The following ADAMTSL1 variants were observed in gnomAD, a reference collection of about 807,000 sequenced individuals.
ADAMTSL1 encodes ADAMTS like 1, also known as ADAMTS-like protein 1.
In ADAMTSL1, 126 loss-of-function variants were observed where a neutral mutation model predicts 201.8. The observed-to-expected ratio is 0.62, with a 90% CI of 0.54 to 0.72. The LOEUF is 0.72. Among genes scored for constraint, ADAMTSL1 ranks in the 30% least tolerant of loss-of-function variants. The pLI is 0.00. For synonymous variants in ADAMTSL1, 1,121 were observed against 903.4 expected, an observed-to-expected ratio of 1.24 and a Z score of -4.32; for missense variants, 2,679 against 2,277.8, an observed-to-expected ratio of 1.18 and a Z score of -3.59.
chr9:17,937,338 A>G (rs1338702924), intron 1 of ADAMTSL1, among the ~76,000 whole-genome samples: 1 of 151,960 alleles, frequency 6.6e-6, no homozygotes, highest in Admixed American at 6.6e-5. Flanking sequence ...TTGATCAGCA[A>G]TCAGTACAGA....
intron 1 of ADAMTSL1, among the ~76,000 whole-genome samples, chr9:18,091,701 A>G (rs1229614827): frequency 2.0e-5 from 3 of 152,150 alleles, no homozygotes; most frequent in Admixed American, 1.3e-4. Context: ...ATCACAGTGA[A>G]CTTATAGAGC....
chr9:18,277,003 C>T (rs1563852512), intron 2 of ADAMTSL1, among the ~76,000 whole-genome samples: 3 of 152,116 alleles, frequency 2.0e-5, no homozygotes, highest in Non-Finnish European at 1.5e-5. Flanking sequence ...TCTTCTTTGA[C>T]CGATTGGCTA....
At chr9:18,036,187 T>G (rs1821187920) in intron 1 of ADAMTSL1, among the ~76,000 whole-genome samples, 1 of 152,140 alleles carries the variant, frequency 6.6e-6, no homozygotes, top group South Asian at 2.1e-4. Flanking sequence ...AAAGCATTAC[T>G]GGTTGAAGGA....
rs74374128 is a variant in ADAMTSL1, at chr9:18,489,625, G to A, written c.64-15204G>A. ...TTTGAAGGGACAAAATAAAACATAC[G>A]CTGAGAACATTCAGTCTTCCACACA... On this transcript the variant is annotated intron_variant, in intron 1 of 28. Coordinates refer to ENST00000380548, the MANE Select transcript of ADAMTSL1 (RefSeq NM_001040272.6). Among the ~76,000 whole-genome samples the A allele has an allele frequency of 9.6e-3, 1,461 of 152,186 alleles. 24 individuals carry two copies. The highest frequency in any genetic ancestry group is 0.033 in the African/African-American group (1,380 of 41,534).
intron 1 of ADAMTSL1, among the ~76,000 whole-genome samples, chr9:18,117,692 A>G (rs1825314464): frequency 6.6e-6 from 1 of 152,164 alleles, no homozygotes; most frequent in Non-Finnish European, 1.5e-5. Context: ...CCCTGACTAT[A>G]AAGTATACTT....
chr9:18,739,899 CTGTGTGTGTGTG>C (rs5896804), intron 15 of ADAMTSL1, among the ~76,000 whole-genome samples: 3 of 148,118 alleles, frequency 2.0e-5, no homozygotes, highest in Non-Finnish European at 4.5e-5. Context: ...TGTCTACTAT[CTGTGTGTGTGTG>C]TGTGTGTGTG....
At chr9:17,923,164 C>T (rs1464860936) in intron 1 of ADAMTSL1, among the ~76,000 whole-genome samples, 1 of 151,640 alleles carries the variant, frequency 6.6e-6, no homozygotes, top group East Asian at 1.9e-4. Flanking sequence ...GTAGTTTTTT[C>T]CAATTCTGTG....
intron 1 of ADAMTSL1, among the ~76,000 whole-genome samples, chr9:17,946,624 A>T (rs2383057): frequency 0.96 from 145,614 of 152,166 alleles, 69,839 homozygotes; most frequent in East Asian, 1. Context: ...ATTCTTTAGG[A>T]ATTCCATAAA....
intron 19 of ADAMTSL1, among the ~76,000 whole-genome samples, chr9:18,785,600 C>T (rs1016667583): frequency 2.0e-5 from 3 of 152,196 alleles, no homozygotes; most frequent in Admixed American, 2.0e-4. Flanking sequence ...TCCTCGCTTT[C>T]AGTCATTCTA....
intron 21 of ADAMTSL1, among the ~76,000 whole-genome samples, chr9:18,820,866 G>T (rs1824166521): frequency 6.6e-6 from 1 of 152,188 alleles, no homozygotes; most frequent in Admixed American, 6.5e-5. Flanking sequence ...AAAGGATCAG[G>T]GGAAGAAGCA....
chr9:18,692,926 C>G (rs994330653), intron 13 of ADAMTSL1, among the ~76,000 whole-genome samples: 1 of 152,076 alleles, frequency 6.6e-6, no homozygotes, highest in Non-Finnish European at 1.5e-5. Flanking sequence ...ATCAGAAAAG[C>G]AAAGAGAAAG....
intron 1 of ADAMTSL1, among the ~76,000 whole-genome samples, chr9:18,153,773 A>T (rs1474276452): frequency 6.6e-6 from 1 of 152,082 alleles, no homozygotes; most frequent in African/African-American, 2.4e-5. Flanking sequence ...GTATAGAATA[A>T]CACAGTAAGC....
At chr9:18,223,754 G>T (rs969091935) in intron 2 of ADAMTSL1, among the ~76,000 whole-genome samples, 2 of 151,822 alleles carry the variant, frequency 1.3e-5, no homozygotes, top group Non-Finnish European at 2.9e-5. Flanking sequence ...TAATTCTATG[G>T]TTGTTGCTTC....
intron 23 of ADAMTSL1, among the ~76,000 whole-genome samples, chr9:18,877,277 T>C (rs1308067384): frequency 2.0e-5 from 3 of 152,228 alleles, no homozygotes; most frequent in Admixed American, 1.3e-4. Flanking sequence ...GAGGCGTTCC[T>C]GGTGAGCCAG....
intron 7 of ADAMTSL1, chr9:18,651,469 T>A (rs1828249027): frequency 6.6e-6 from 1 of 152,232 alleles, no homozygotes; most frequent in South Asian, 2.1e-4. Context: ...AGGAAGGTGA[T>A]CGATGAATAT....
intron 1 of ADAMTSL1, among the ~76,000 whole-genome samples, chr9:18,075,921 T>G (rs1403806507): frequency 6.6e-6 from 1 of 152,188 alleles, no homozygotes; most frequent in Non-Finnish European, 1.5e-5. Context: ...AGCATTCAAT[T>G]TATTTGAATT....
At chr9:18,432,118 T>G (rs1018082414) in intron 2 of ADAMTSL1, among the ~76,000 whole-genome samples, 4 of 152,218 alleles carry the variant, frequency 2.6e-5, no homozygotes, top group Non-Finnish European at 5.9e-5. Context: ...GGTCTGTTGT[T>G]CTGGTTGAAA....
In ADAMTSL1 at chr9:18,657,628, G is replaced by T; in HGVS notation, c.835-11G>T. 1 of 1,606,250 alleles carries T rather than the reference G, an allele frequency of 6.2e-7. No homozygotes were observed. Among genetic ancestry groups the T allele is most frequent in the South Asian group, 1.1e-5 (1 of 90,894 alleles). On this transcript the variant is annotated splice_polypyrimidine_tract_variant and intron_variant, in intron 7 of 28. Coordinates refer to ENST00000380548, the MANE Select transcript of ADAMTSL1 (RefSeq NM_001040272.6). ...GTCACATTACTTCTACTTTCCTGTT[G>T]ACTCCTGCAGATTCGTAACTCGGGC...
intron 3 of ADAMTSL1, among the ~76,000 whole-genome samples, chr9:18,557,439 G>A (rs1010413808): frequency 3.3e-5 from 5 of 151,974 alleles, no homozygotes; most frequent in African/African-American, 7.2e-5. Flanking sequence ...CCTTGACTTT[G>A]CAAGAAATGA....
Sources: gnomAD v4.1 joint callset for allele counts (sites outside exome capture counted in the v4.1 genomes callset) on GRCh38, gnomAD v4.1.1 for gene constraint, MANE v1.5 for transcripts, NCBI Gene and HGNC (gene_info 2026-07-23, HGNC 2026-07-21) for gene names.